The following GNA11 variants were observed in gnomAD, a reference collection of about 807,000 sequenced individuals.
The protein encoded by GNA11 is guanine nucleotide-binding protein subunit alpha-11.
Under a neutral mutation model 38.2 loss-of-function variants are expected in GNA11, and 8 were observed. The observed-to-expected ratio is 0.21, with a 90% CI of 0.12 to 0.38. The LOEUF (loss-of-function observed/expected upper bound fraction) is 0.38. GNA11 is among the 10% of genes least tolerant of loss of function. The pLI is 1.00. For synonymous variants in GNA11, 211 were observed against 221.4 expected (o/e 0.95, Z 0.42); for missense variants, 268 against 516.3 (o/e 0.52, Z 4.66).
Position 3,120,201 on chromosome 19 carries a change from G to A in GNA11, c.890-788G>A, listed in dbSNP as rs1914032461. On this transcript the variant is annotated intron_variant, in intron 6 of 6. Transcript: ENST00000078429. The surrounding 1 kb of genome is among the most constrained non-coding windows in gnomAD (Gnocchi z 5.9). Reference sequence around the variant, plus strand: ...ATGTGCAGCGAGAGGGAGGGGTCTGGCACACGGTATAGCCTCGGCCGCTGG... The same window carrying A: ...ATGTGCAGCGAGAGGGAGGGGTCTGACACACGGTATAGCCTCGGCCGCTGG... Among the ~76,000 whole-genome samples, 1 of 152,122 alleles carries A rather than the reference G, an allele frequency of 6.6e-6. No homozygotes were observed. The highest frequency in any genetic ancestry group is 2.4e-5 in the African/African-American group (1 of 41,446).
chr19:3,115,194 A>G, intron 4 of GNA11, 122 bp downstream of exon 4: 1 of 1,147,018 alleles, frequency 8.7e-7, no homozygotes, highest in Non-Finnish European at 1.3e-6. Context: ...GCCTGAGTCC[A>G]GGAGTTTGAG....
At chr19:3,103,519 C>CGTTTT (rs1370578226) in intron 1 of GNA11, among the ~76,000 whole-genome samples, 7 of 45,816 alleles carry the variant, frequency 1.5e-4, no homozygotes, top group Middle Eastern at 0.036. Flanking sequence ...GGCCTTGAAT[C>CGTTTT]TTTTTTTTTT....
chr19:3,115,099 G>C (rs1322362577), intron 4 of GNA11, 27 bp downstream of exon 4: 1 of 1,603,106 alleles, frequency 6.2e-7, no homozygotes, highest in Non-Finnish European at 8.5e-7. Flanking sequence ...AGCAGGCGGG[G>C]AGGGGGCACT....
rs1914055671 is a variant in GNA11, at chr19:3,120,927, G to A, written c.890-62G>A. The A allele has an allele frequency of 1.6e-6, 2 of 1,275,034 alleles. No individual in the cohort carries two copies. The highest frequency in any genetic ancestry group is 2.2e-6 in the Non-Finnish European group (2 of 896,174). 79.0% of individuals were successfully genotyped at this position (1,275,034 alleles called of 1,614,324 possible). A position where few individuals can be genotyped will look rare whatever the true frequency, so the allele number is the denominator to read the frequency against. ...CTCATCCCCTGGGAGTGACAAAGGG[G>A]CCCACGAGTCCCTTGCCCTGGGCCG... On this transcript the variant is annotated intron_variant, in intron 6 of 6. Transcript: ENST00000078429. This position sits in a 1 kb window ranked among gnomAD's most constrained non-coding sequence, Gnocchi z 5.9.
intron 1 of GNA11, among the ~76,000 whole-genome samples, chr19:3,109,302 G>A (rs1389583488): frequency 6.6e-6 from 1 of 152,190 alleles, no homozygotes; most frequent in Non-Finnish European, 1.5e-5. Flanking sequence ...AGAATGTGTG[G>A]GGGGCTCATC....
rs930088272 is a variant in GNA11, at chr19:3,122,603, T to C, written c.*1424T>C. 2.6e-5 allele frequency: 6 copies of C among 233,150 alleles called. No individual in the cohort carries two copies. Among genetic ancestry groups the C allele is most frequent in the Non-Finnish European group, 5.1e-5 (6 of 118,072 alleles). The allele number at this position is 233,150 out of a possible 1,614,324, so 14.4% of individuals were successfully genotyped here. ...GGTGGCTTTTTCGTCTGCTGTTGAC[T>C]GAACACTACAGCGCCCTGTGGTTCC... On this transcript the variant is annotated 3_prime_UTR_variant, in exon 7 of 7. Coordinates refer to ENST00000078429, the MANE Select transcript of GNA11 (RefSeq NM_002067.5). This position sits in a 1 kb window ranked among gnomAD's most constrained non-coding sequence, Gnocchi z 7.7.
chr19:3,111,632 CGT>C (rs1359853191), intron 2 of GNA11, among the ~76,000 whole-genome samples: 2 of 152,214 alleles, frequency 1.3e-5, no homozygotes, highest in Non-Finnish European at 2.9e-5. Context: ...CGTCTGTGGA[CGT>C]GTGTTTATGT....
In GNA11 at chr19:3,122,072, A is replaced by G. The variant is rs1180420815; in HGVS notation, c.*893A>G. On this transcript the variant is annotated 3_prime_UTR_variant, in exon 7 of 7. Transcript: ENST00000078429. This position sits in a 1 kb window ranked among gnomAD's most constrained non-coding sequence, Gnocchi z 7.7. ...GGCCACCCTGCCCTGGCTAGAGCGCACCCCACCGGAGCCCACGTGGGCTGG... is the reference window on the plus strand; with the variant it reads ...GGCCACCCTGCCCTGGCTAGAGCGCGCCCCACCGGAGCCCACGTGGGCTGG... The G allele has an allele frequency of 4.3e-6, 1 of 232,632 alleles. No individual in the cohort carries two copies. Among genetic ancestry groups the G allele is most frequent in the Non-Finnish European group, 8.5e-6 (1 of 117,712 alleles). The allele number at this position is 232,632 out of a possible 1,614,324, so 14.4% of individuals were successfully genotyped here. A position where few individuals can be genotyped will look rare whatever the true frequency, so the allele number is the denominator to read the frequency against.
intron 3 of GNA11, 48 bp from the exon 4 acceptor site, chr19:3,114,895 GC>G (rs759612825): frequency 1.2e-4 from 179 of 1,552,184 alleles, no homozygotes; most frequent in Non-Finnish European, 1.5e-4. Context: ...TCCCTGTCCT[GC>G]CCCCCCACCC....
chr19:3,122,519 G>A lies in GNA11; in HGVS notation c.*1340G>A, dbSNP rs890408810. 4.3e-6 allele frequency: 1 copy of A among 232,538 alleles called. No homozygotes were observed. Among genetic ancestry groups the A allele is most frequent in the African/African-American group, 2.2e-5 (1 of 45,378 alleles). The allele number at this position is 232,538 out of a possible 1,614,324, so 14.4% of individuals were successfully genotyped here. On this transcript the variant is annotated 3_prime_UTR_variant, in exon 7 of 7. Coordinates refer to ENST00000078429, the MANE Select transcript of GNA11 (RefSeq NM_002067.5). The surrounding 1 kb of genome is among the most constrained non-coding windows in gnomAD (Gnocchi z 7.7). Reference sequence around the variant, plus strand: ...GGGCCCCTTGAGGCACTGAGGCACCGAGACTGGTTCTCCCCGAGAGACTCG... The same window carrying A: ...GGGCCCCTTGAGGCACTGAGGCACCAAGACTGGTTCTCCCCGAGAGACTCG...
intron 1 of GNA11, among the ~76,000 whole-genome samples, chr19:3,099,756 C>T (rs308034): frequency 0.4 from 60,974 of 152,134 alleles, 13,455 homozygotes; most frequent in Non-Finnish European, 0.51. Context: ...CCTGGTCCAG[C>T]CTGGCCTCCC....
At position 3,119,664 on chromosome 19, in the gene GNA11, T is replaced by C. The variant is rs1914018071; in HGVS notation, c.889+305T>C. ...GCAGGGGGATCTCGGGTGGGAGGAG[T>C]CTTGTACAAGGAGGGCACCATGGGA... On this transcript the variant is annotated intron_variant, in intron 6 of 6. Transcript: ENST00000078429. The surrounding 1 kb of genome is among the most constrained non-coding windows in gnomAD (Gnocchi z 4.6). Among the ~76,000 whole-genome samples, 1 of 144,982 alleles carries C rather than the reference T, an allele frequency of 6.9e-6. No homozygotes were observed. Among genetic ancestry groups the C allele is most frequent in the African/African-American group, 2.6e-5 (1 of 38,752 alleles).
rs1913302317 is a variant in GNA11 at position 3,094,368 on chromosome 19, T to TCCGGCGCTGTCGCTCGGTTGC, written c.-283_-263dup. On this transcript the variant is annotated 5_prime_UTR_variant, in exon 1 of 7. Coordinates refer to ENST00000078429, the MANE Select transcript of GNA11 (RefSeq NM_002067.5). The surrounding 1 kb of genome is among the most constrained non-coding windows in gnomAD (Gnocchi z 6.0). ...GCTGCGCTCCCAGCCTGCTAGGTTGTCCGGCGCTGTCGCTCGGTTGCGGCG... is the reference window on the plus strand; with the variant it reads ...GCTGCGCTCCCAGCCTGCTAGGTTGTCCGGCGCTGTCGCTCGGTTGCCCGGCGCTGTCGCTCGGTTGCGGCG... 1 of 149,102 alleles carries TCCGGCGCTGTCGCTCGGTTGC rather than the reference T, an allele frequency of 6.7e-6. No individual in the cohort carries two copies. The highest frequency in any genetic ancestry group is 2.5e-5 in the African/African-American group (1 of 40,304). 9.2% of individuals were successfully genotyped at this position (149,102 alleles called of 1,614,324 possible).
chr19:3,095,523 AC>A (rs539944321), intron 1 of GNA11, among the ~76,000 whole-genome samples: 8 of 145,996 alleles, frequency 5.5e-5, no homozygotes, highest in African/African-American at 1.5e-4. Flanking sequence ...GGCCCTGTAC[AC>A]CCCCCCATCC....
At chr19:3,114,795 G>A (rs114890794) in intron 3 of GNA11, 149 bp from the exon 4 acceptor site, 72 of 695,652 alleles carry the variant, frequency 1.0e-4, no homozygotes, top group Middle Eastern at 7.8e-4. Context: ...CGAGCCCTCC[G>A]GGCTGCTTCA....
Position 3,110,427 on chromosome 19 carries a change from G to A in GNA11, c.321+94G>A, listed in dbSNP as rs1158712019. ...CGCGCTGCCAGGGTGGGGCCATGCC[G>A]GGGGTCCCGGCCGGCCCAGGCTACC... On this transcript the variant is annotated intron_variant, in intron 2 of 6. Coordinates refer to ENST00000078429, the MANE Select transcript of GNA11 (RefSeq NM_002067.5). The surrounding 1 kb of genome is among the most constrained non-coding windows in gnomAD (Gnocchi z 5.4). 3.1e-5 allele frequency: 32 copies of A among 1,027,926 alleles called. No homozygotes were observed. Among genetic ancestry groups the A allele is most frequent in the Admixed American group, 1.6e-4 (7 of 44,822 alleles). 63.7% of individuals were successfully genotyped at this position (1,027,926 alleles called of 1,614,324 possible). A position where few individuals can be genotyped will look rare whatever the true frequency, so the allele number is the denominator to read the frequency against.
chr19:3,115,844 G>A (rs1325739447), intron 4 of GNA11, among the ~76,000 whole-genome samples: 1 of 138,314 alleles, frequency 7.2e-6, no homozygotes, highest in Non-Finnish European at 1.5e-5. Flanking sequence ...GGACTGAGTG[G>A]GGAGGAGGGG....
chr19:3,113,464 G>C lies in GNA11; in HGVS notation c.456G>C (p.Gln152His), dbSNP rs760781651. 2.5e-6 allele frequency: 4 copies of C among 1,607,148 alleles called. No homozygotes were observed. The highest frequency in any genetic ancestry group is 1.3e-5 in the African/African-American group (1 of 74,770). The change falls in exon 3 of 7, where the codon CAG (glutamine) becomes CAC (histidine). Residue 152 changes from glutamine (Q) to histidine (H), a missense_variant. By Grantham distance (24) the Gln-to-His change is conservative. This residue lies in a region of GNA11 where 151 missense variants were observed against 254.0 expected (regional missense o/e 0.59). Coordinates refer to ENST00000078429, the MANE Select transcript of GNA11 (RefSeq NM_002067.5). ...QECYDRRREY[Q>H]LSDSAKYYLT... ...GCTACGACCGCAGGCGCGAGTACCA[G>C]CTCTCCGACTCTGCCAAGTAGTAAG...
At chr19:3,098,745 G>A (rs1054291393) in intron 1 of GNA11, among the ~76,000 whole-genome samples, 2 of 152,186 alleles carry the variant, frequency 1.3e-5, no homozygotes, top group East Asian at 1.9e-4. Flanking sequence ...GGCCTCTGGC[G>A]CCTGGCAGGG....
Sources: allele counts gnomAD v4.1 joint callset (sites outside exome capture counted in the v4.1 genomes callset), GRCh38; gene constraint gnomAD v4.1.1; regional missense constraint gnomAD v4.1.1; non-coding constraint Gnocchi (gnomAD v3.1); transcripts MANE v1.5; gene names NCBI Gene and HGNC (gene_info 2026-07-23, HGNC 2026-07-21).